Variants in MTMR10 observed in about 807,000 individuals in gnomAD.
MTMR10 encodes the protein myotubularin-related protein 10.
MTMR10 carries 56 observed loss-of-function variants against 88.1 expected under a neutral mutation model. That is an observed-to-expected ratio of 0.64 (90% CI 0.51 to 0.79). The LOEUF (loss-of-function observed/expected upper bound fraction) is 0.79. Among genes scored for constraint, MTMR10 ranks in the 30% least tolerant of loss-of-function variants. The probability of loss-of-function intolerance (pLI) is 0.00; values close to 1 mark genes in which losing one functional copy is unlikely to be tolerated. For synonymous variants in MTMR10, 380 were observed against 340.9 expected (o/e 1.11, Z -1.26); for missense variants, 883 against 924.7 (o/e 0.95, Z 0.58).
Position 30,979,204 on chromosome 15 carries a change from A to C in MTMR10, c.122-2249T>G, listed in dbSNP as rs189038414. On this transcript the variant is annotated intron_variant, in intron 2 of 15. Coordinates refer to ENST00000435680, the MANE Select transcript of MTMR10 (RefSeq NM_017762.3). ...AAAAACAGACTCTTCAAACCTTGCT[A>C]CAAAAATTCATCCACTTCTAAGACT... is the stretch of plus-strand genomic sequence containing the variant. Among the ~76,000 whole-genome samples the C allele has an allele frequency of 3.0e-3, 462 of 152,306 alleles. 5 individuals are homozygous for C. The highest frequency in any genetic ancestry group is 0.01 in the African/African-American group (433 of 41,556).
intron 2 of MTMR10, among the ~76,000 whole-genome samples, chr15:30,990,488 A>C (rs1365586450): frequency 6.6e-6 from 1 of 152,256 alleles, no homozygotes; most frequent in Non-Finnish European, 1.5e-5. Context: ...AAATGCATTA[A>C]AATGATTAAT....
chr15:30,945,549 A>ACTGT (rs10695375), intron 14 of MTMR10, among the ~76,000 whole-genome samples: 123,627 of 151,534 alleles, frequency 0.82, 50,605 homozygotes, highest in East Asian at 0.98. Context: ...GCAGGCTCAC[A>ACTGT]CTGTGTGCGC....
chr15:30,929,918 T>A, the MTMR10 span, among the ~76,000 whole-genome samples: 2 of 78,972 alleles, frequency 2.5e-5, no homozygotes, highest in African/African-American at 9.1e-5. Context: ...ATATAATATA[T>A]ATCATATATA....
chr15:30,978,327 A>C (rs2030309113), intron 2 of MTMR10, among the ~76,000 whole-genome samples: 1 of 152,188 alleles, frequency 6.6e-6, no homozygotes, highest in African/African-American at 2.4e-5. Flanking sequence ...TTCACTGCTG[A>C]AATGTTAGTG....
chr15:30,942,231 T>G (rs988264202), intron 15 of MTMR10, 159 bp from the exon 16 acceptor site: 26 of 900,812 alleles, frequency 2.9e-5, no homozygotes, highest in Non-Finnish European at 4.2e-5. Context: ...CTAATCCTCC[T>G]CCCCTGGAAT....
At chr15:30,978,294 G>C (rs2030306856) in intron 2 of MTMR10, among the ~76,000 whole-genome samples, 1 of 152,146 alleles carries the variant, frequency 6.6e-6, no homozygotes, top group African/African-American at 2.4e-5. Flanking sequence ...TGCTCCATGA[G>C]GGTAGAAGAT....
intron 15 of MTMR10, 95 bp from the exon 16 acceptor site, chr15:30,942,167 T>G: frequency 7.2e-7 from 1 of 1,390,496 alleles, no homozygotes; most frequent in Non-Finnish European, 9.7e-7. Context: ...TATGAAAAAT[T>G]AATGGAATTT....
At chr15:30,991,390 G>A in intron 1 of MTMR10, 57 bp downstream of exon 1, 2 of 1,408,220 alleles carry the variant, frequency 1.4e-6, no homozygotes, top group East Asian at 2.8e-5. Context: ...GGGTCGGCCT[G>A]GAGGCTCCAC....
At chr15:30,968,386 T>C (rs1472263510) in intron 5 of MTMR10, among the ~76,000 whole-genome samples, 3 of 152,132 alleles carry the variant, frequency 2.0e-5, no homozygotes, top group Non-Finnish European at 2.9e-5. Flanking sequence ...TTTGGTGGAC[T>C]ATAAAGGATT....
intron 2 of MTMR10, among the ~76,000 whole-genome samples, chr15:30,977,739 C>T (rs2030264591): frequency 6.6e-6 from 1 of 152,050 alleles, no homozygotes; most frequent in Non-Finnish European, 1.5e-5. Context: ...ACCTTTAGCC[C>T]GATAGAATGT....
chr15:30,955,310 G>A (rs561295771), intron 9 of MTMR10, among the ~76,000 whole-genome samples: 2 of 152,058 alleles, frequency 1.3e-5, no homozygotes, highest in African/African-American at 4.8e-5. Flanking sequence ...TCATACTGTC[G>A]CCCAGGCTGG....
chr15:30,964,492 CTGTACTTT>C (rs1300697032), intron 6 of MTMR10, among the ~76,000 whole-genome samples: 2 of 152,226 alleles, frequency 1.3e-5, no homozygotes, highest in African/African-American at 4.8e-5. Context: ...CGTTCAAATC[CTGTACTTT>C]TCTAAACAAC....
At chr15:30,937,464 TTTTTTGAGACAGAGTCTCGCTCTG>T (rs991023492), downstream of MTMR10, among the ~76,000 whole-genome samples, 1 of 147,456 alleles carries the variant, frequency 6.8e-6, no homozygotes, top group South Asian at 2.2e-4. Context: ...TTTTTTTTTT[TTTTTTGAGACAGAGTCTCGCTCTG>T]TCACCCAGGC....
downstream of MTMR10, chr15:30,937,198 C>CTG (rs778959205): frequency 1.9e-6 from 3 of 1,614,066 alleles, no homozygotes; most frequent in South Asian, 3.3e-5. Flanking sequence ...AAGCTGGGGG[C>CTG]TGAAGTAGAA....
chr15:30,958,911 C>A lies in MTMR10; in HGVS notation c.887G>T (p.Arg296Leu), dbSNP rs1260967466. The change falls in exon 9 of 16, where the codon CGA becomes CTA. Residue 296 changes from arginine to leucine, a missense_variant. This residue lies in a region of MTMR10 where 414 missense variants were observed against 423.2 expected (regional missense o/e 0.98). Transcript: ENST00000435680. The stretch of plus-strand genomic sequence containing the variant: ...CAGCACGTCTTTGATGAGGGCCATT[C>A]GCACAAGAGCACTGCCGTTAGAGTG... ...WSHSNGSALVRMALIKDVLQQ... is the reference protein window; with the variant it reads ...WSHSNGSALVLMALIKDVLQQ... 1 of 1,613,958 alleles carries A rather than the reference C, an allele frequency of 6.2e-7. No homozygotes were observed. Among genetic ancestry groups the A allele is most frequent in the South Asian group, 1.1e-5 (1 of 91,078 alleles).
the MTMR10 span, among the ~76,000 whole-genome samples, chr15:30,924,180 C>T: frequency 6.6e-6 from 1 of 152,348 alleles, no homozygotes; most frequent in East Asian, 1.9e-4. Flanking sequence ...GTCAGGACTC[C>T]GTTCCTTCTC....
chr15:30,956,307 T>G (rs1448815587), intron 9 of MTMR10: 4 of 152,230 alleles, frequency 2.6e-5, no homozygotes, highest in Admixed American at 2.6e-4. Context: ...TATGCTAACC[T>G]TCCCTGTATC....
At chr15:30,958,739 A>G (rs1037488322) in intron 9 of MTMR10, 124 bp downstream of exon 9, 14 of 953,426 alleles carry the variant, frequency 1.5e-5, no homozygotes, top group Admixed American at 4.7e-5. Context: ...CAATTCTTAT[A>G]TAAAACATGG....
At chr15:30,943,439 C>T (rs2063117110) in intron 14 of MTMR10, 1 of 985,092 alleles carries the variant, frequency 1.0e-6, no homozygotes, top group Non-Finnish European at 1.2e-6. Context: ...AGCACACGGT[C>T]AGTACATTTA....
Sources: gnomAD v4.1 joint callset for allele counts (sites outside exome capture counted in the v4.1 genomes callset) on GRCh38, gnomAD v4.1.1 for gene constraint, gnomAD v4.1.1 regional missense constraint, MANE v1.5 for transcripts, NCBI Gene and HGNC (gene_info 2026-07-23, HGNC 2026-07-21) for gene names.